The following RAB11FIP3 variants were observed in gnomAD, a reference collection of about 807,000 sequenced individuals.
RAB11FIP3 encodes RAB11 family interacting protein 3, also known as rab11 family-interacting protein 3.
A neutral mutation model predicts 77.8 loss-of-function variants in RAB11FIP3; 17 were observed. The observed-to-expected ratio is 0.22, with a 90% CI of 0.15 to 0.33. The LOEUF (loss-of-function observed/expected upper bound fraction) is 0.33. RAB11FIP3 is among the 10% of genes least tolerant of loss of function. The pLI, the probability that RAB11FIP3 is intolerant of heterozygous loss-of-function variation, is 1.00. For synonymous variants in RAB11FIP3, 437 were observed against 448.2 expected (o/e 0.98, Z 0.31); for missense variants, 1,005 against 1,011.2 (o/e 0.99, Z 0.08).
chr16:492,661 G>T (rs1324503370), intron 5 of RAB11FIP3, among the ~76,000 whole-genome samples: 1 of 152,164 alleles, frequency 6.6e-6, no homozygotes, highest in Non-Finnish European at 1.5e-5. Flanking sequence ...TTGGGGAGGG[G>T]CCATTTGTTC....
Position 479,371 on chromosome 16 carries a change from G to A in RAB11FIP3, c.904-3154G>A, listed in dbSNP as rs1193967126. ...CGCACGACTGCACTCCAACCTGGGT[G>A]TCACAGTGAGACTCTATCTCAAAAA... On this transcript the variant is annotated intron_variant, in intron 3 of 13. Coordinates refer to ENST00000262305, the MANE Select transcript of RAB11FIP3 (RefSeq NM_014700.4). Among the ~76,000 whole-genome samples, 16 of 151,952 alleles carry A rather than the reference G, an allele frequency of 1.1e-4. No homozygotes were observed. The East Asian group carries it at 3.1e-3, about 29-fold the overall frequency.
Position 520,898 on chromosome 16 carries a change from T to A in RAB11FIP3, c.*59T>A. 1 of 1,418,128 alleles carries A rather than the reference T, an allele frequency of 7.1e-7. No homozygotes were observed. Among genetic ancestry groups the A allele is most frequent in the Non-Finnish European group, 1.0e-6 (1 of 1,003,860 alleles). 87.8% of individuals were successfully genotyped at this position (1,418,128 alleles called of 1,614,324 possible). ...ACTCCAACACCCTGGAGTGGTTCCGTCAGACCATGAGGAGCCAAGACCAGC... is the reference window on the plus strand; with the variant it reads ...ACTCCAACACCCTGGAGTGGTTCCGACAGACCATGAGGAGCCAAGACCAGC... On this transcript the variant is annotated 3_prime_UTR_variant, in exon 14 of 14. Transcript: ENST00000262305.
chr16:520,875 T>TC lies in RAB11FIP3; in HGVS notation c.*38dup, dbSNP rs1385898385. The TC allele has an allele frequency of 1.9e-6, 3 of 1,552,204 alleles. No individual in the cohort carries two copies. The highest frequency in any genetic ancestry group is 1.1e-5 in the South Asian group (1 of 89,780). ...GTCCAGCCTGAGCTGGATTCGGGAC[T>TC]CCAACACCCTGGAGTGGTTCCGTCA... On this transcript the variant is annotated 3_prime_UTR_variant, in exon 14 of 14. Transcript: ENST00000262305.
chr16:510,661 G>T lies in RAB11FIP3; in HGVS notation c.1501G>T (p.Ala501Ser). The T allele has an allele frequency of 1.9e-6, 3 of 1,602,430 alleles. No homozygotes were observed. Among genetic ancestry groups the T allele is most frequent in the South Asian group, 1.1e-5 (1 of 89,478 alleles). Residue 501 changes from alanine (A) to serine (S), a missense_variant and splice_region_variant, in exon 9 of 14, where the codon GCA becomes TCA. Physicochemically the swap from Ala to Ser is moderately conservative, Grantham distance 99. This residue lies in a region of RAB11FIP3 where 433 missense variants were observed against 436.1 expected (regional missense o/e 0.99). Transcript: ENST00000262305. ...CAGCTCCTCCCTTTGCCTTTCAAGAGCAAACGCCCTGGAGGAGCAGCTGAA... is the reference window on the plus strand; with the variant it reads ...CAGCTCCTCCCTTTGCCTTTCAAGATCAAACGCCCTGGAGGAGCAGCTGAA... ...RQENLQLVHR[A>S]NALEEQLKEQ...
rs149798578 is a variant in RAB11FIP3 at position 447,721 on chromosome 16, G to C, written c.715-13683G>C. On this transcript the variant is annotated intron_variant, in intron 1 of 13. Transcript: ENST00000262305. Reference sequence around the variant, plus strand: ...CCACTGCGCTCCAGCCTGGGCAACAGAGCGAGACTCCATCTCCAAAAAAGA... The same window carrying C: ...CCACTGCGCTCCAGCCTGGGCAACACAGCGAGACTCCATCTCCAAAAAAGA... 6.1e-3 allele frequency among the ~76,000 whole-genome samples: 934 copies of C among 152,244 alleles called. 11 individuals are homozygous for C. Among genetic ancestry groups the C allele is most frequent in the African/African-American group, 0.021 (885 of 41,570 alleles).
intron 2 of RAB11FIP3, among the ~76,000 whole-genome samples, chr16:464,605 T>C (rs2055670975): frequency 6.6e-6 from 1 of 152,036 alleles, no homozygotes; most frequent in Non-Finnish European, 1.5e-5. Flanking sequence ...GTTTGAAAAA[T>C]CCATTATGGG....
At chr16:449,256 GTC>G (rs1451159779) in intron 1 of RAB11FIP3, among the ~76,000 whole-genome samples, 1 of 152,174 alleles carries the variant, frequency 6.6e-6, no homozygotes, top group African/African-American at 2.4e-5. Flanking sequence ...CCAGCTCAGT[GTC>G]TCACAGCGCT....
chr16:473,430 ATTAT>A (rs1425058335), intron 3 of RAB11FIP3, among the ~76,000 whole-genome samples: 1 of 152,096 alleles, frequency 6.6e-6, no homozygotes, highest in African/African-American at 2.4e-5. Flanking sequence ...ACGTTACATG[ATTAT>A]TTGTTTTGTT....
intron 1 of RAB11FIP3, among the ~76,000 whole-genome samples, chr16:431,759 ATTT>A (rs765013817): frequency 7.2e-6 from 1 of 139,312 alleles, no homozygotes; most frequent in Non-Finnish European, 1.6e-5. Context: ...TAGAAGCTAA[ATTT>A]TTTTTTTTTT....
rs2054940765 is a variant in RAB11FIP3, at chr16:426,312, C to T, written c.306C>T (p.Ser102=). The change falls in exon 1 of 14, where the codon AGC becomes AGT. Residue 102 remains serine, a synonymous_variant. Transcript: ENST00000262305. The surrounding 1 kb of genome is among the most constrained non-coding windows in gnomAD (Gnocchi z 5.0). ...PRSGPRGQLA[S]PDAPGPGPRS... ...CCGGCCCGCGGGGGCAGCTTGCGAG[C>T]CCCGACGCCCCGGGCCCAGGGCCGC... The T allele has an allele frequency of 3.0e-6, 4 of 1,335,164 alleles. No homozygotes were observed. Among genetic ancestry groups the T allele is most frequent in the Non-Finnish European group, 2.9e-6 (3 of 1,041,348 alleles). 82.7% of individuals were successfully genotyped at this position (1,335,164 alleles called of 1,614,324 possible).
chr16:495,329 C>T (rs2031024315), intron 5 of RAB11FIP3, among the ~76,000 whole-genome samples: 1 of 152,212 alleles, frequency 6.6e-6, no homozygotes, highest in Admixed American at 6.5e-5. Context: ...TCTGCACCAG[C>T]TGCAAACGGC....
rs377134808 is a variant in RAB11FIP3 at position 455,445 on chromosome 16, G to C, written c.715-5959G>C. ...GCTGAGATCACACCACTGCACTCCAGCCTGGGTAACAGAGGCGACTCTGTC... is the reference window on the plus strand; with the variant it reads ...GCTGAGATCACACCACTGCACTCCACCCTGGGTAACAGAGGCGACTCTGTC... On this transcript the variant is annotated intron_variant, in intron 1 of 13. Coordinates refer to ENST00000262305, the MANE Select transcript of RAB11FIP3 (RefSeq NM_014700.4). Among the ~76,000 whole-genome samples, 61 of 150,644 alleles carry C rather than the reference G, an allele frequency of 4.0e-4. 1 individual carries two copies. The South Asian group carries it at 0.013, about 32-fold the overall frequency.
At position 497,119 on chromosome 16, in the gene RAB11FIP3, G is replaced by A. The variant is rs2031204617; in HGVS notation, c.1301+260G>A. Reference sequence around the variant, plus strand: ...GCTGGGCCTCTTGTGTGTTCACTAAGGTCTGGAAGGGGCCGCCATCCCCAG... The same window carrying A: ...GCTGGGCCTCTTGTGTGTTCACTAAAGTCTGGAAGGGGCCGCCATCCCCAG... On this transcript the variant is annotated intron_variant, in intron 6 of 13. Transcript: ENST00000262305. The A allele has an allele frequency of 5.2e-6, 3 of 572,076 alleles. No homozygotes were observed. The South Asian group carries it at 5.8e-5, about 11-fold the overall frequency. The allele number at this position is 572,076 out of a possible 1,614,324, so 35.4% of individuals were successfully genotyped here. A position where few individuals can be genotyped will look rare whatever the true frequency, so the allele number is the denominator to read the frequency against.
At chr16:446,528 C>T (rs1213635711) in intron 1 of RAB11FIP3, among the ~76,000 whole-genome samples, 1 of 152,158 alleles carries the variant, frequency 6.6e-6, no homozygotes, top group African/African-American at 2.4e-5. Context: ...TGTGCACTGG[C>T]AGGGTCACCT....
chr16:519,092 A>G, intron 10 of RAB11FIP3, 68 bp downstream of exon 10: 1 of 1,505,058 alleles, frequency 6.6e-7, no homozygotes, highest in Non-Finnish European at 9.2e-7. Context: ...GGGGCAGCTG[A>G]GGTAGCCCTG....
intron 1 of RAB11FIP3, among the ~76,000 whole-genome samples, chr16:433,922 G>C (rs1316797543): frequency 1.3e-5 from 2 of 151,252 alleles, no homozygotes; most frequent in Non-Finnish European, 2.9e-5. Context: ...TTCAACTGTT[G>C]ATGGACACTT....
intron 2 of RAB11FIP3, among the ~76,000 whole-genome samples, chr16:466,904 TCTC>T (rs2141667388): frequency 6.6e-6 from 1 of 152,174 alleles, no homozygotes; most frequent in South Asian, 2.1e-4. Flanking sequence ...CGGCCAGGGC[TCTC>T]CTATCTCACT....
intron 1 of RAB11FIP3, among the ~76,000 whole-genome samples, chr16:440,391 A>G (rs1385623849): frequency 6.6e-6 from 1 of 152,078 alleles, no homozygotes; most frequent in Non-Finnish European, 1.5e-5. Flanking sequence ...TTGGCCTTCC[A>G]AAGTGCTGGG....
intron 2 of RAB11FIP3, among the ~76,000 whole-genome samples, chr16:465,044 T>C (rs1184807953): frequency 6.6e-6 from 1 of 152,182 alleles, no homozygotes; most frequent in Admixed American, 6.5e-5. Flanking sequence ...GATGCTTCTT[T>C]TCTAATCATT....
Sources: allele counts gnomAD v4.1 joint callset (sites outside exome capture counted in the v4.1 genomes callset), GRCh38; gene constraint gnomAD v4.1.1; regional missense constraint gnomAD v4.1.1; non-coding constraint Gnocchi (gnomAD v3.1); transcripts MANE v1.5; gene names NCBI Gene and HGNC (gene_info 2026-07-23, HGNC 2026-07-21).